The following HABP4 variants were observed in gnomAD, a reference collection of about 807,000 sequenced individuals.
HABP4 encodes hyaluronan binding protein 4.
In HABP4, 32 loss-of-function variants were observed where a neutral mutation model predicts 44.1. The ratio of observed to expected loss-of-function variants is 0.73; its 90% CI spans 0.55 to 0.97. The LOEUF is 0.97. HABP4 is among the 50% of genes least tolerant of loss of function. The pLI, the probability that HABP4 is intolerant of heterozygous loss-of-function variation, is 0.00. For synonymous variants in HABP4, 216 were observed against 218.0 expected (o/e 0.99, Z 0.08); for missense variants, 503 against 561.9 (o/e 0.90, Z 1.06).
chr9:96,468,122 G>A (rs1384896976), intron 4 of HABP4, among the ~76,000 whole-genome samples: 2 of 151,872 alleles, frequency 1.3e-5, no homozygotes, highest in Non-Finnish European at 2.9e-5. Flanking sequence ...TGACTCTGTT[G>A]CCCATGCTGG....
chr9:96,482,181 G>A (rs984758040), intron 5 of HABP4, among the ~76,000 whole-genome samples: 8 of 151,874 alleles, frequency 5.3e-5, no homozygotes, highest in African/African-American at 9.7e-5. Flanking sequence ...CTCATGATCC[G>A]CCTGCCTCAG....
rs1274743539 is a variant in HABP4 at position 96,488,518 on chromosome 9, A to C, written c.1185+244A>C. Among the ~76,000 whole-genome samples, 2 of 152,136 alleles carry C rather than the reference A, an allele frequency of 1.3e-5. No individual in the cohort carries two copies. On this transcript the variant is annotated intron_variant, in intron 7 of 7. Transcript: ENST00000375249. The surrounding 1 kb of genome is among the most constrained non-coding windows in gnomAD (Gnocchi z 4.6). ...CACTCCCGGGATCAGAGAGAAACTC[A>C]CTGTCACCCGCATTAGACAAGATCC...
At position 96,450,611 on chromosome 9, in the gene HABP4, G is replaced by A. The variant is rs1461736168; in HGVS notation, c.332G>A (p.Gly111Asp). ...GCTCAGCGGCCCGATAGCCCCGGGG[G>A]CGGCCTGCAGGCGCCGGGTACGCGG... ...PVAQRPDSPG[G>D]GLQAPGQKRT... The change falls in exon 1 of 8, where the codon GGC becomes GAC. Residue 111 changes from glycine to aspartate, a missense_variant. Gly to Asp is a moderately conservative substitution (Grantham distance 94). This residue lies in a region of HABP4 where 290 missense variants were observed against 300.5 expected (regional missense o/e 0.97). Coordinates refer to ENST00000375249, the MANE Select transcript of HABP4 (RefSeq NM_014282.4). The surrounding 1 kb of genome is among the most constrained non-coding windows in gnomAD (Gnocchi z 4.8). The A allele has an allele frequency of 3.2e-6, 4 of 1,269,282 alleles. No homozygotes were observed. Among genetic ancestry groups the A allele is most frequent in the Non-Finnish European group, 4.0e-6 (4 of 1,008,222 alleles). 78.6% of individuals were successfully genotyped at this position (1,269,282 alleles called of 1,614,324 possible). A position where few individuals can be genotyped will look rare whatever the true frequency, so the allele number is the denominator to read the frequency against.
chr9:96,482,409 A>G (rs1832895515), intron 5 of HABP4, among the ~76,000 whole-genome samples: 2 of 152,198 alleles, frequency 1.3e-5, no homozygotes, highest in Admixed American at 1.3e-4. Flanking sequence ...GGCTTATTTT[A>G]ACTATTAGCA....
chr9:96,475,269 A>G (rs10991303), intron 5 of HABP4, among the ~76,000 whole-genome samples: 2,392 of 151,982 alleles, frequency 0.016, 57 homozygotes, highest in African/African-American at 0.054. Flanking sequence ...CCAGCTATTC[A>G]GGAGGCTGAG....
chr9:96,453,992 G>A (rs1426063966), intron 1 of HABP4, among the ~76,000 whole-genome samples: 1 of 152,200 alleles, frequency 6.6e-6, no homozygotes, highest in East Asian at 1.9e-4. Context: ...GGGGGTTTGG[G>A]AGGGAAAATG....
At chr9:96,479,194 A>C (rs1351621094) in intron 5 of HABP4, among the ~76,000 whole-genome samples, 1 of 152,188 alleles carries the variant, frequency 6.6e-6, no homozygotes, top group East Asian at 1.9e-4. Context: ...CTTTTCTTAC[A>C]TACTGAAAAT....
chr9:96,480,876 C>T (rs1015352236), intron 5 of HABP4, among the ~76,000 whole-genome samples: 2 of 152,138 alleles, frequency 1.3e-5, no homozygotes, highest in Non-Finnish European at 2.9e-5. Context: ...TTCATGTTAT[C>T]TTTGCTTTGA....
Position 96,478,415 on chromosome 9 carries a change from G to A in HABP4, c.828-6047G>A, listed in dbSNP as rs955777332. On this transcript the variant is annotated intron_variant, in intron 5 of 7. Coordinates refer to ENST00000375249, the MANE Select transcript of HABP4 (RefSeq NM_014282.4). ...CAAAGTGCTGGGATTACAGGCGTGA[G>A]CCACCGTGCCCGTCCTGAACATTTT... 5.9e-5 allele frequency among the ~76,000 whole-genome samples: 9 copies of A among 152,272 alleles called. No individual in the cohort carries two copies. In the South Asian group the frequency reaches 1.9e-3, roughly 32 times the overall value.
rs1451497332 is a variant in HABP4, at chr9:96,450,955, T to C, written c.349+327T>C. 6.6e-6 allele frequency among the ~76,000 whole-genome samples: 1 copy of C among 152,012 alleles called. No homozygotes were observed. Among genetic ancestry groups the C allele is most frequent in the East Asian group, 1.9e-4 (1 of 5,168 alleles). ...ACGGCTGAGGTCGCTACCCCGGGGC[T>C]CCCACATCCAGACCTGGCGGGGACC... On this transcript the variant is annotated intron_variant, in intron 1 of 7. Transcript: ENST00000375249. The surrounding 1 kb of genome is among the most constrained non-coding windows in gnomAD (Gnocchi z 4.8).
At chr9:96,477,890 G>T (rs1832807809) in intron 5 of HABP4, among the ~76,000 whole-genome samples, 1 of 152,150 alleles carries the variant, frequency 6.6e-6, no homozygotes, top group African/African-American at 2.4e-5. Context: ...GGCAGCCAAT[G>T]ATCTACTTTC....
intron 1 of HABP4, chr9:96,451,404 C>A: frequency 1.1e-6 from 1 of 877,964 alleles, no homozygotes; most frequent in Non-Finnish European, 1.4e-6. Flanking sequence ...AGTTCATTCT[C>A]TCACCGAACT....
At chr9:96,473,660 G>T (rs1832732457) in intron 5 of HABP4, among the ~76,000 whole-genome samples, 1 of 152,124 alleles carries the variant, frequency 6.6e-6, no homozygotes, top group Non-Finnish European at 1.5e-5. Context: ...AAACCCTCAA[G>T]TTCAGACATT....
intron 1 of HABP4, 120 bp from the exon 2 acceptor site, chr9:96,458,259 C>T: frequency 9.6e-7 from 1 of 1,038,948 alleles, no homozygotes. Flanking sequence ...TCTAAACTTC[C>T]TGAATTCTCC....
rs369785143 is a variant in HABP4 at position 96,458,371 on chromosome 9, G to A, written c.350-8G>A. 20 of 1,613,636 alleles carry A rather than the reference G, an allele frequency of 1.2e-5. No individual in the cohort carries two copies. In the South Asian group the frequency reaches 1.8e-4, roughly 14 times the overall value. On this transcript the variant is annotated splice_polypyrimidine_tract_variant and splice_region_variant and intron_variant, in intron 1 of 7. Coordinates refer to ENST00000375249, the MANE Select transcript of HABP4 (RefSeq NM_014282.4). ...TTCCAGCTCTCTGCTTTGATTTTCT[G>A]TTGGTAGGCCAGAAGCGGACTCCTA...
intron 6 of HABP4, among the ~76,000 whole-genome samples, chr9:96,486,794 T>G (rs1205708891): frequency 6.6e-6 from 1 of 152,042 alleles, no homozygotes; most frequent in Non-Finnish European, 1.5e-5. Context: ...CGTAAGGCAC[T>G]GGGCGGTGAA....
At chr9:96,458,356 CTG>C (rs753005609) in intron 1 of HABP4, 21 bp from the exon 2 acceptor site, 1 of 1,612,150 alleles carries the variant, frequency 6.2e-7, no homozygotes, top group East Asian at 2.2e-5. Context: ...TTCCAGCTCT[CTG>C]CTTTGATTTT....
intron 7 of HABP4, among the ~76,000 whole-genome samples, chr9:96,489,725 C>T (rs145428737): frequency 2.0e-3 from 309 of 152,360 alleles, no homozygotes; most frequent in African/African-American, 7.2e-3. Context: ...AGGACGTGCC[C>T]ATGCAGAACC....
chr9:96,486,476 A>C (rs991802774), intron 6 of HABP4, among the ~76,000 whole-genome samples: 4 of 152,232 alleles, frequency 2.6e-5, no homozygotes, highest in African/African-American at 9.7e-5. Flanking sequence ...GGATTGAAAT[A>C]TGCAGCTGAC....
Sources: allele counts gnomAD v4.1 joint callset (sites outside exome capture counted in the v4.1 genomes callset), GRCh38; gene constraint gnomAD v4.1.1; regional missense constraint gnomAD v4.1.1; non-coding constraint Gnocchi (gnomAD v3.1); transcripts MANE v1.5; gene names NCBI Gene and HGNC (gene_info 2026-07-23, HGNC 2026-07-21).